Variants in BRINP3 observed in about 807,000 individuals in gnomAD.
BRINP3 encodes BMP/retinoic acid inducible neural specific 3.
Under a neutral mutation model 71.0 loss-of-function variants are expected in BRINP3, and 19 were observed. That is an observed-to-expected ratio of 0.27 (90% CI 0.19 to 0.39). The LOEUF (loss-of-function observed/expected upper bound fraction) is 0.39. Among genes scored for constraint, BRINP3 ranks in the 10% least tolerant of loss-of-function variants. The pLI is 1.00. For missense variants in BRINP3, 959 were observed against 940.8 expected, an observed-to-expected ratio of 1.02 and a Z score of -0.25; for synonymous variants, 380 against 337.7, an observed-to-expected ratio of 1.13 and a Z score of -1.37.
At chr1:190,233,088 A>T (rs1303775797) in intron 5 of BRINP3, among the ~76,000 whole-genome samples, 1 of 152,060 alleles carries the variant, frequency 6.6e-6, no homozygotes, top group Admixed American at 6.6e-5. Flanking sequence ...AAACAATTCA[A>T]TGTTATTACA....
At chr1:190,240,481 C>A (rs1192913104) in intron 4 of BRINP3, among the ~76,000 whole-genome samples, 2 of 151,916 alleles carry the variant, frequency 1.3e-5, no homozygotes, top group African/African-American at 4.8e-5. Flanking sequence ...CAGTTTGTTT[C>A]AAACAGTTGT....
At chr1:190,135,826 T>C (rs538160955) in intron 7 of BRINP3, among the ~76,000 whole-genome samples, 1 of 152,102 alleles carries the variant, frequency 6.6e-6, no homozygotes, top group Admixed American at 6.6e-5. Context: ...AAAGGCAGAA[T>C]GCAGCACAGC....
intron 2 of BRINP3, among the ~76,000 whole-genome samples, chr1:190,370,958 G>C (rs1669822992): frequency 6.6e-6 from 1 of 152,032 alleles, no homozygotes; most frequent in African/African-American, 2.4e-5. Context: ...TCAAATACCT[G>C]TTGGTCATCT....
chr1:190,351,991 ATTCTT>A (rs1668418110), intron 2 of BRINP3, among the ~76,000 whole-genome samples: 1 of 152,008 alleles, frequency 6.6e-6, no homozygotes. Flanking sequence ...TACAGAAAAA[ATTCTT>A]TATTTTTAAA....
chr1:190,160,599 C>T, intron 7 of BRINP3, 69 bp downstream of exon 7: 1 of 1,354,762 alleles, frequency 7.4e-7, no homozygotes, highest in Non-Finnish European at 1.0e-6. Flanking sequence ...CACCTGCATT[C>T]AGAAAAATAA....
chr1:190,184,497 A>T (rs1653328877), intron 6 of BRINP3, among the ~76,000 whole-genome samples: 1 of 152,280 alleles, frequency 6.6e-6, no homozygotes, highest in African/African-American at 2.4e-5. Context: ...CCCATTAATG[A>T]TGGATTAGAT....
chr1:190,270,501 G>A (rs1268175113), intron 3 of BRINP3, among the ~76,000 whole-genome samples: 1 of 151,622 alleles, frequency 6.6e-6, no homozygotes, highest in African/African-American at 2.4e-5. Flanking sequence ...TTCTGAAGAC[G>A]AATAAAGGTA....
At chr1:190,255,083 T>C (rs1660532882) in intron 4 of BRINP3, among the ~76,000 whole-genome samples, 1 of 152,136 alleles carries the variant, frequency 6.6e-6, no homozygotes, top group Non-Finnish European at 1.5e-5. Flanking sequence ...TGGTTATTGA[T>C]TTGCATATGT....
intron 2 of BRINP3, among the ~76,000 whole-genome samples, chr1:190,406,097 G>A (rs773268339): frequency 5.9e-5 from 9 of 152,142 alleles, no homozygotes; most frequent in Non-Finnish European, 7.4e-5. Context: ...GATTGGAGCC[G>A]GTTTGGTAAA....
At chr1:190,149,215 A>G (rs1417768915) in intron 7 of BRINP3, among the ~76,000 whole-genome samples, 1 of 152,234 alleles carries the variant, frequency 6.6e-6, no homozygotes, top group East Asian at 1.9e-4. Context: ...AGTCAGTTCC[A>G]GGATAATCTC....
At chr1:190,389,348 C>A (rs575203850) in intron 2 of BRINP3, among the ~76,000 whole-genome samples, 2 of 151,594 alleles carry the variant, frequency 1.3e-5, no homozygotes, top group Non-Finnish European at 3.0e-5. Context: ...CAATTATATA[C>A]CATGTGGCAT....
At chr1:190,156,937 T>C (rs1656921323) in intron 7 of BRINP3, among the ~76,000 whole-genome samples, 1 of 152,100 alleles carries the variant, frequency 6.6e-6, no homozygotes, top group Non-Finnish European at 1.5e-5. Flanking sequence ...AGCATTTTTG[T>C]ATGTCAACTT....
At chr1:190,211,344 C>A (rs1356969822) in intron 6 of BRINP3, among the ~76,000 whole-genome samples, 1 of 152,004 alleles carries the variant, frequency 6.6e-6, no homozygotes, top group Non-Finnish European at 1.5e-5. Context: ...CTCTAGAGAA[C>A]CCTGGATAAT....
intron 4 of BRINP3, among the ~76,000 whole-genome samples, chr1:190,240,535 T>C (rs1357161985): frequency 6.6e-6 from 1 of 152,028 alleles, no homozygotes; most frequent in East Asian, 1.9e-4. Flanking sequence ...TTAAAAATTA[T>C]CTGAGGAGTA....
intron 2 of BRINP3, among the ~76,000 whole-genome samples, chr1:190,319,909 C>T (rs536684839): frequency 1.6e-4 from 24 of 152,042 alleles, no homozygotes; most frequent in African/African-American, 5.8e-4. Context: ...ACGCCTAGCA[C>T]TAAATCTATC....
chr1:190,190,488 T>G (rs2102570788), intron 6 of BRINP3, among the ~76,000 whole-genome samples: 1 of 152,244 alleles, frequency 6.6e-6, no homozygotes, highest in South Asian at 2.1e-4. Context: ...GAGTAGTTGT[T>G]CAAACTGATG....
intron 5 of BRINP3, among the ~76,000 whole-genome samples, chr1:190,229,725 A>G (rs1657773832): frequency 6.6e-6 from 1 of 151,386 alleles, no homozygotes; most frequent in Non-Finnish European, 1.5e-5. Context: ...TCTGAAGTAT[A>G]GTTCCAACTG....
intron 2 of BRINP3, among the ~76,000 whole-genome samples, chr1:190,430,118 C>T (rs999958020): frequency 2.0e-5 from 3 of 152,058 alleles, no homozygotes; most frequent in Non-Finnish European, 4.4e-5. Context: ...CCCATGAAGA[C>T]GTCAGCATTA....
At chr1:190,186,071 T>G (rs186977464) in intron 6 of BRINP3, among the ~76,000 whole-genome samples, 31 of 152,190 alleles carry the variant, frequency 2.0e-4, no homozygotes, top group Middle Eastern at 3.4e-3. Context: ...CATTTATATA[T>G]ATATTTTTTA....
Sources: allele counts gnomAD v4.1 joint callset (sites outside exome capture counted in the v4.1 genomes callset), GRCh38; gene constraint gnomAD v4.1.1; transcripts MANE v1.5; gene names NCBI Gene and HGNC (gene_info 2026-07-23, HGNC 2026-07-21).